Variants in SNX29 observed in about 807,000 individuals in gnomAD.
SNX29 encodes the protein sorting nexin-29.
Under a neutral mutation model 102.1 loss-of-function variants are expected in SNX29, and 78 were observed. That is an observed-to-expected ratio of 0.76 (90% CI 0.64 to 0.92). SNX29 has a LOEUF of 0.92. SNX29 is among the 40% of genes least tolerant of loss of function. The pLI is 0.00. For synonymous variants in SNX29, 580 were observed against 414.5 expected, an observed-to-expected ratio of 1.40 and a Z score of -4.85; for missense variants, 1,280 against 1,061.7, an observed-to-expected ratio of 1.21 and a Z score of -2.86.
chr16:12,274,539 T>C (rs1206260438), intron 14 of SNX29, among the ~76,000 whole-genome samples: 1 of 149,988 alleles, frequency 6.7e-6, no homozygotes, highest in African/African-American at 2.5e-5. Context: ...TCTCCCCACC[T>C]CTTTTTTTTT....
chr16:12,274,492 C>G (rs1038250466), intron 14 of SNX29, among the ~76,000 whole-genome samples: 1 of 151,226 alleles, frequency 6.6e-6, no homozygotes, highest in Non-Finnish European at 1.5e-5. Context: ...TTTCTCCTTT[C>G]TTGATCTCTT....
At chr16:12,111,926 A>C (rs568171208) in intron 11 of SNX29, among the ~76,000 whole-genome samples, 3 of 152,138 alleles carry the variant, frequency 2.0e-5, no homozygotes, top group Admixed American at 6.6e-5. Context: ...GGAAGCACTC[A>C]CTGCATAGCA....
chr16:12,368,190 G>T (rs558687909), intron 16 of SNX29, among the ~76,000 whole-genome samples: 2 of 152,328 alleles, frequency 1.3e-5, no homozygotes, highest in East Asian at 1.9e-4. Flanking sequence ...ACCCATGAGG[G>T]GCTGGACTCT....
intron 14 of SNX29, among the ~76,000 whole-genome samples, chr16:12,217,702 A>G (rs2077362539): frequency 6.6e-6 from 1 of 152,086 alleles, no homozygotes; most frequent in African/African-American, 2.4e-5. Flanking sequence ...GAATGATTGG[A>G]TTTACCATGG....
chr16:12,526,305 C>G (rs986083031), intron 20 of SNX29, among the ~76,000 whole-genome samples: 1 of 152,018 alleles, frequency 6.6e-6, no homozygotes, highest in South Asian at 2.1e-4. Flanking sequence ...GGGGTGTGCT[C>G]CTGTCTGTGG....
chr16:12,112,046 A>G (rs2053522377), intron 11 of SNX29, among the ~76,000 whole-genome samples: 1 of 152,240 alleles, frequency 6.6e-6, no homozygotes, highest in Non-Finnish European at 1.5e-5. Flanking sequence ...GGTTGTGCGC[A>G]GAGGTTGCAG....
chr16:12,379,885 G>A (rs952403169), intron 16 of SNX29, among the ~76,000 whole-genome samples: 1 of 152,158 alleles, frequency 6.6e-6, no homozygotes, highest in African/African-American at 2.4e-5. Context: ...GGAGGCACTG[G>A]TGTGTGTGTT....
intron 18 of SNX29, among the ~76,000 whole-genome samples, chr16:12,406,566 G>A (rs1487638620): frequency 6.6e-6 from 1 of 152,164 alleles, no homozygotes; most frequent in Non-Finnish European, 1.5e-5. Context: ...TGCGCTGTCT[G>A]TACCAGAGCT....
chr16:12,153,283 C>T (rs982764120), intron 13 of SNX29, among the ~76,000 whole-genome samples: 4 of 151,924 alleles, frequency 2.6e-5, no homozygotes, highest in Admixed American at 6.6e-5. Context: ...AATGGCACAT[C>T]CTTTATTTTT....
intron 14 of SNX29, among the ~76,000 whole-genome samples, chr16:12,255,059 C>T (rs1021029885): frequency 6.6e-6 from 1 of 152,122 alleles, no homozygotes; most frequent in African/African-American, 2.4e-5. Flanking sequence ...TTATGGTGTA[C>T]AATGTGCTGT....
At chr16:12,405,075 C>G (rs1167330264) in intron 18 of SNX29, among the ~76,000 whole-genome samples, 2 of 152,174 alleles carry the variant, frequency 1.3e-5, no homozygotes, top group African/African-American at 2.4e-5. Flanking sequence ...CTTTGTTTCT[C>G]CTTTTGTCCC....
chr16:12,432,218 A>G (rs1178703360), intron 18 of SNX29, among the ~76,000 whole-genome samples: 1 of 152,190 alleles, frequency 6.6e-6, no homozygotes, highest in African/African-American at 2.4e-5. Context: ...CCCAGACTGA[A>G]CAGATCGGTC....
chr16:12,300,149 C>T (rs1033482972), intron 15 of SNX29, among the ~76,000 whole-genome samples: 6 of 152,338 alleles, frequency 3.9e-5, no homozygotes, highest in Admixed American at 2.6e-4. Flanking sequence ...TGAGGTTACA[C>T]GTGTGAGCCC....
chr16:12,181,386 A>G (rs916473317), intron 13 of SNX29, among the ~76,000 whole-genome samples: 3 of 152,146 alleles, frequency 2.0e-5, no homozygotes, highest in Admixed American at 1.3e-4. Flanking sequence ...AGGCGGGACA[A>G]CTCGAAGCAG....
At chr16:12,513,574 T>A (rs1380247725) in intron 19 of SNX29, among the ~76,000 whole-genome samples, 1 of 152,164 alleles carries the variant, frequency 6.6e-6, no homozygotes, top group Non-Finnish European at 1.5e-5. Flanking sequence ...AAAGGCCTGA[T>A]GAACAAGCTG....
At chr16:12,002,247 A>T (rs551510307) in intron 2 of SNX29, among the ~76,000 whole-genome samples, 2 of 152,194 alleles carry the variant, frequency 1.3e-5, no homozygotes, top group South Asian at 4.1e-4. Flanking sequence ...CGGGAGTTCA[A>T]GACCAGCCTG....
At chr16:12,062,524 G>A (rs1057106714) in intron 9 of SNX29, among the ~76,000 whole-genome samples, 16 of 152,102 alleles carry the variant, frequency 1.1e-4, no homozygotes, top group Admixed American at 5.9e-4. Flanking sequence ...TGGGGAGGAC[G>A]TGGTTGATCC....
intron 20 of SNX29, among the ~76,000 whole-genome samples, chr16:12,555,364 C>T (rs926121244): frequency 6.6e-6 from 1 of 152,138 alleles, no homozygotes; most frequent in Non-Finnish European, 1.5e-5. Flanking sequence ...ACTTTTCTCC[C>T]ATGAGGCGCT....
chr16:12,482,971 C>T (rs1000902667), intron 19 of SNX29, among the ~76,000 whole-genome samples: 7 of 152,032 alleles, frequency 4.6e-5, no homozygotes, highest in Non-Finnish European at 1.0e-4. Flanking sequence ...CAGAGCTCTC[C>T]CTGGAGGTGT....
Sources: allele counts gnomAD v4.1 joint callset (sites outside exome capture counted in the v4.1 genomes callset), GRCh38; gene constraint gnomAD v4.1.1; transcripts MANE v1.5; gene names NCBI Gene and HGNC (gene_info 2026-07-23, HGNC 2026-07-21).